Variants in SLC35F3 observed in about 807,000 individuals in gnomAD.
SLC35F3 encodes putative thiamine transporter SLC35F3.
A neutral mutation model predicts 49.9 loss-of-function variants in SLC35F3; 25 were observed. The observed-to-expected ratio is 0.50, with a 90% CI of 0.37 to 0.70. SLC35F3 has a LOEUF of 0.70. SLC35F3 is among the 30% of genes least tolerant of loss of function. SLC35F3 has a pLI of 0.00. For missense variants in SLC35F3, 525 were observed against 639.8 expected (o/e 0.82, Z 1.94); for synonymous variants, 275 against 265.4 (o/e 1.04, Z -0.35).
rs1667097957 is a variant in SLC35F3 at position 234,214,849 on chromosome 1, G to T, written c.284-16568G>T. The T allele has an allele frequency of 2.5e-6, 1 of 397,906 alleles. No individual in the cohort carries two copies. Among genetic ancestry groups the T allele is most frequent in the Non-Finnish European group, 4.5e-6 (1 of 223,290 alleles). 24.6% of individuals were successfully genotyped at this position (397,906 alleles called of 1,614,324 possible). ...TCCTGGGCAGCACCCAGCGCATCTGGCAGCAGCTGCACCCTCACCTCCATC... is the reference window on the plus strand; with the variant it reads ...TCCTGGGCAGCACCCAGCGCATCTGTCAGCAGCTGCACCCTCACCTCCATC... On this transcript the variant is annotated intron_variant, in intron 2 of 7. Transcript: ENST00000366618. The surrounding 1 kb of genome is among the most constrained non-coding windows in gnomAD (Gnocchi z 8.0).
chr1:233,949,425 G>A (rs1662567897), intron 2 of SLC35F3, among the ~76,000 whole-genome samples: 2 of 152,220 alleles, frequency 1.3e-5, no homozygotes, highest in Non-Finnish European at 2.9e-5. Flanking sequence ...TCTAGAGGGA[G>A]AGGAAGACCA....
chr1:233,912,702 G>A (rs892884721), intron 2 of SLC35F3, among the ~76,000 whole-genome samples: 4 of 152,298 alleles, frequency 2.6e-5, no homozygotes, highest in East Asian at 1.9e-4. Flanking sequence ...GCGTGGATAC[G>A]CTGGACAAAG....
At chr1:234,133,770 G>A (rs373025358) in intron 2 of SLC35F3, among the ~76,000 whole-genome samples, 3 of 152,312 alleles carry the variant, frequency 2.0e-5, no homozygotes, top group African/African-American at 7.2e-5. Context: ...GTAATGAGTA[G>A]TGCTAAAACT....
chr1:234,030,658 T>G (rs1664048728), intron 2 of SLC35F3, among the ~76,000 whole-genome samples: 1 of 152,214 alleles, frequency 6.6e-6, no homozygotes, highest in South Asian at 2.1e-4. Context: ...TTGGATAGCA[T>G]GAAATTGCTG....
chr1:233,971,427 G>A (rs1407337114), intron 2 of SLC35F3, among the ~76,000 whole-genome samples: 1 of 152,186 alleles, frequency 6.6e-6, no homozygotes, highest in Non-Finnish European at 1.5e-5. Context: ...GTTATCAAAA[G>A]ATACCCAGCT....
chr1:234,172,882 C>T (rs1003615181), intron 2 of SLC35F3, among the ~76,000 whole-genome samples: 2 of 152,170 alleles, frequency 1.3e-5, no homozygotes, highest in Non-Finnish European at 2.9e-5. Context: ...CTATGCAGTG[C>T]GTGGCTGTGA....
chr1:234,227,420 A>C (rs1667303497), intron 2 of SLC35F3, among the ~76,000 whole-genome samples: 1 of 105,572 alleles, frequency 9.5e-6, no homozygotes, highest in Non-Finnish European at 1.9e-5. Context: ...TTTTTTTGAG[A>C]TGGAGTCTAG....
chr1:234,129,391 T>G (rs10910347), intron 2 of SLC35F3, among the ~76,000 whole-genome samples: 58,637 of 152,072 alleles, frequency 0.39, 13,269 homozygotes, highest in Middle Eastern at 0.52. Flanking sequence ...AAATATAGAA[T>G]ACTTCTTGAT....
chr1:233,948,954 A>G (rs919214003), intron 2 of SLC35F3, among the ~76,000 whole-genome samples: 1 of 152,154 alleles, frequency 6.6e-6, no homozygotes, highest in Admixed American at 6.5e-5. Context: ...ACAGGGGGCC[A>G]GGAAGAACTT....
intron 3 of SLC35F3, among the ~76,000 whole-genome samples, chr1:234,297,921 G>A (rs1043906153): frequency 6.6e-6 from 1 of 152,150 alleles, no homozygotes; most frequent in Non-Finnish European, 1.5e-5. Flanking sequence ...TACTCATACT[G>A]TGGCATATAC....
intron 2 of SLC35F3, among the ~76,000 whole-genome samples, chr1:234,212,036 G>A (rs781247713): frequency 2.0e-5 from 3 of 152,136 alleles, no homozygotes; most frequent in Admixed American, 1.3e-4. Context: ...ATTCTATAAG[G>A]GGGAGTTTCC....
intron 3 of SLC35F3, among the ~76,000 whole-genome samples, chr1:234,245,927 C>G (rs1003400977): frequency 1.3e-5 from 2 of 152,154 alleles, no homozygotes; most frequent in Non-Finnish European, 2.9e-5. Flanking sequence ...AGTGTCACTT[C>G]CACCATAGTT....
At chr1:234,019,826 T>C (rs1193098327) in intron 2 of SLC35F3, among the ~76,000 whole-genome samples, 1 of 152,188 alleles carries the variant, frequency 6.6e-6, no homozygotes, top group African/African-American at 2.4e-5. Context: ...GTCTCAGAAA[T>C]AACACACATT....
chr1:234,200,798 C>T (rs1666890276), intron 2 of SLC35F3, among the ~76,000 whole-genome samples: 3 of 152,304 alleles, frequency 2.0e-5, no homozygotes, highest in Middle Eastern at 3.4e-3. Flanking sequence ...AAAATACTCT[C>T]GGCTTCATTG....
Position 234,283,762 on chromosome 1 carries a change from A to C in SLC35F3, c.609-25339A>C, listed in dbSNP as rs547406011. Among the ~76,000 whole-genome samples, 7 of 152,314 alleles carry C rather than the reference A, an allele frequency of 4.6e-5. No individual in the cohort carries two copies. In the East Asian group the frequency reaches 1.4e-3, roughly 29 times the overall value. ...GCAGTGGAAATGGTGACAGGGAATA[A>C]AAATTGCAGTGCCAAGACATTACAG... On this transcript the variant is annotated intron_variant, in intron 3 of 7. Coordinates refer to ENST00000366618, the MANE Select transcript of SLC35F3 (RefSeq NM_173508.4).
chr1:234,120,733 T>C (rs1665557739), intron 2 of SLC35F3, among the ~76,000 whole-genome samples: 1 of 152,212 alleles, frequency 6.6e-6, no homozygotes, highest in Admixed American at 6.5e-5. Flanking sequence ...TGGACCTCCT[T>C]ATATGAGTCA....
chr1:233,976,867 T>C (rs1353397625), intron 2 of SLC35F3, among the ~76,000 whole-genome samples: 1 of 152,172 alleles, frequency 6.6e-6, no homozygotes, highest in East Asian at 1.9e-4. Context: ...CACCTCGGCC[T>C]CCCCAAGTGC....
chr1:233,992,116 C>T (rs1430169555), intron 2 of SLC35F3, among the ~76,000 whole-genome samples: 1 of 152,150 alleles, frequency 6.6e-6, no homozygotes, highest in African/African-American at 2.4e-5. Flanking sequence ...CCCAGACGGC[C>T]GTGGTGCTCT....
At chr1:234,028,470 G>T (rs1266402093) in intron 2 of SLC35F3, among the ~76,000 whole-genome samples, 1 of 152,204 alleles carries the variant, frequency 6.6e-6, no homozygotes, top group Non-Finnish European at 1.5e-5. Flanking sequence ...CTACTCACCA[G>T]CATCCCTGTC....
Sources: gnomAD v4.1 joint callset for allele counts (sites outside exome capture counted in the v4.1 genomes callset) on GRCh38, gnomAD v4.1.1 for gene constraint, Gnocchi (gnomAD v3.1) non-coding constraint, MANE v1.5 for transcripts, NCBI Gene and HGNC (gene_info 2026-07-23, HGNC 2026-07-21) for gene names.